Variants in TIPRL observed in about 807,000 individuals in gnomAD.
TIPRL encodes the protein TOR signaling pathway regulator.
A neutral mutation model predicts 32.3 loss-of-function variants in TIPRL; 10 were observed. The observed-to-expected ratio is 0.31, with a 90% CI of 0.19 to 0.52. The LOEUF (loss-of-function observed/expected upper bound fraction) is 0.52. Among genes scored for constraint, TIPRL ranks in the 20% least tolerant of loss-of-function variants. The pLI, the probability that TIPRL is intolerant of heterozygous loss-of-function variation, is 0.96. For synonymous variants in TIPRL, 100 were observed against 114.0 expected (o/e 0.88, Z 0.78); for missense variants, 250 against 328.1 (o/e 0.76, Z 1.84).
At chr1:168,196,438 C>A in intron 4 of TIPRL, 109 bp from the exon 5 acceptor site, 1 of 650,054 alleles carries the variant, frequency 1.5e-6, no homozygotes, top group Non-Finnish European at 2.3e-6. Flanking sequence ...TGAATTCAGC[C>A]TTATTCCAGG....
intron 4 of TIPRL, among the ~76,000 whole-genome samples, chr1:168,191,757 A>C (rs1700099211): frequency 6.6e-6 from 1 of 151,164 alleles, no homozygotes; most frequent in Non-Finnish European, 1.5e-5. Context: ...CTGTAGTCCC[A>C]GCTACTCGGG....
chr1:168,201,628 A>ACC lies in TIPRL; in HGVS notation c.*1583_*1584insCC, dbSNP rs1370356959. 2.6e-5 allele frequency: 4 copies of ACC among 151,836 alleles called. No individual in the cohort carries two copies. The highest frequency in any genetic ancestry group is 2.9e-5 in the Non-Finnish European group (2 of 67,926). The allele number at this position is 151,836 out of a possible 1,614,324, so 9.4% of individuals were successfully genotyped here. A position where few individuals can be genotyped will look rare whatever the true frequency, so the allele number is the denominator to read the frequency against. On this transcript the variant is annotated 3_prime_UTR_variant, in exon 7 of 7. Coordinates refer to ENST00000367833, the MANE Select transcript of TIPRL (RefSeq NM_152902.5). ...GACAGAAAAGTAGACACACACACACACACACACACACATGTTGTGTTCAGC... is the reference window on the plus strand; with the variant it reads ...GACAGAAAAGTAGACACACACACACACCCACACACACACATGTTGTGTTCAGC...
chr1:168,188,615 T>C (rs2102308864), intron 3 of TIPRL, among the ~76,000 whole-genome samples: 2 of 152,304 alleles, frequency 1.3e-5, no homozygotes, highest in East Asian at 3.9e-4. Flanking sequence ...ACAGGGCAGA[T>C]GTGAGCTGCA....
In TIPRL at chr1:168,192,315, C is replaced by T. The variant is rs564524093; in HGVS notation, c.516+815C>T. On this transcript the variant is annotated intron_variant, in intron 4 of 6. Coordinates refer to ENST00000367833, the MANE Select transcript of TIPRL (RefSeq NM_152902.5). ...GAGCTGAGATCGCACCACTGCACTC[C>T]AGCCCTCCAGCCTGGGCGACAGAGC... The T allele has an allele frequency of 6.0e-6, 6 of 995,618 alleles. No homozygotes were observed. In the African/African-American group the frequency reaches 1.0e-4, roughly 17 times the overall value. 61.7% of individuals were successfully genotyped at this position (995,618 alleles called of 1,614,324 possible). A position where few individuals can be genotyped will look rare whatever the true frequency, so the allele number is the denominator to read the frequency against.
chr1:168,199,013 A>T (rs1700184211), intron 6 of TIPRL, 32 bp downstream of exon 6: 2 of 1,545,106 alleles, frequency 1.3e-6, no homozygotes, highest in Non-Finnish European at 1.8e-6. Flanking sequence ...TTTAGAAGTT[A>T]ATTTTAATGT....
rs781548779 is a variant in TIPRL, at chr1:168,184,880, TA to T, written c.384+5del. On this transcript the variant is annotated splice_donor_region_variant and intron_variant, in intron 3 of 6. Coordinates refer to ENST00000367833, the MANE Select transcript of TIPRL (RefSeq NM_152902.5). ...CTTGGAGAATCTCTTAAGTTAAAGG[TA>T]AATCTTACTTTTTTCTTTCATGAGT... is the stretch of plus-strand genomic sequence containing the variant. 1 of 1,580,198 alleles carries T rather than the reference TA, an allele frequency of 6.3e-7. No individual in the cohort carries two copies. The highest frequency in any genetic ancestry group is 2.2e-5 in the East Asian group (1 of 44,596).
intron 4 of TIPRL, among the ~76,000 whole-genome samples, chr1:168,191,858 CAAAAAAA>C (rs60988834): frequency 2.6e-5 from 1 of 38,902 alleles, no homozygotes; most frequent in African/African-American, 8.1e-5. Flanking sequence ...GGCGACAGAG[CAAAAAAA>C]AAAAAAAAAA....
At position 168,200,179 on chromosome 1, in the gene TIPRL, T is replaced by A. The variant is rs1700195159; in HGVS notation, c.*133T>A. The A allele has an allele frequency of 1.0e-6, 1 of 955,532 alleles. No homozygotes were observed. The highest frequency in any genetic ancestry group is 2.8e-5 in the East Asian group (1 of 36,086). The allele number at this position is 955,532 out of a possible 1,614,324, so 59.2% of individuals were successfully genotyped here. On this transcript the variant is annotated 3_prime_UTR_variant, in exon 7 of 7. Transcript: ENST00000367833. Reference sequence around the variant, plus strand: ...TCTGTAGCCTTAAAGGAAAAAAAAATAAAGATCGTTACAGGCAGGTTTCAC... The same window carrying A: ...TCTGTAGCCTTAAAGGAAAAAAAAAAAAAGATCGTTACAGGCAGGTTTCAC...
At chr1:168,192,725 A>C (rs912539540) in intron 4 of TIPRL, among the ~76,000 whole-genome samples, 2 of 152,132 alleles carry the variant, frequency 1.3e-5, no homozygotes, top group Non-Finnish European at 2.9e-5. Flanking sequence ...TCTCTACTAA[A>C]AATACAAAAA....
chr1:168,188,303 C>T (rs1026929789), intron 3 of TIPRL, among the ~76,000 whole-genome samples: 13 of 152,076 alleles, frequency 8.5e-5, no homozygotes, highest in Admixed American at 6.5e-5. Flanking sequence ...CTGACAGGCG[C>T]TCGAGAATAT....
chr1:168,179,956 G>T (rs528000868), intron 1 of TIPRL, among the ~76,000 whole-genome samples: 1 of 152,238 alleles, frequency 6.6e-6, no homozygotes, highest in African/African-American at 2.4e-5. Flanking sequence ...GGTACCATAG[G>T]GGGTGTTGTG....
chr1:168,190,096 C>T (rs1226134366), intron 3 of TIPRL, among the ~76,000 whole-genome samples: 1 of 152,126 alleles, frequency 6.6e-6, no homozygotes, highest in East Asian at 1.9e-4. Context: ...GTTGTGTAAC[C>T]TTAGGCAGTC....
intron 3 of TIPRL, among the ~76,000 whole-genome samples, chr1:168,191,030 T>G (rs745530685): frequency 6.6e-6 from 1 of 152,238 alleles, no homozygotes; most frequent in Admixed American, 6.5e-5. Context: ...TGACCTTCTA[T>G]GATAGCAGTC....
chr1:168,193,840 T>C (rs1003481406), intron 4 of TIPRL, among the ~76,000 whole-genome samples: 1 of 152,208 alleles, frequency 6.6e-6, no homozygotes, highest in Non-Finnish European at 1.5e-5. Context: ...ATTTTAACTA[T>C]AAAATTAAAG....
At chr1:168,191,262 T>C in intron 3 of TIPRL, 107 bp from the exon 4 acceptor site, 1 of 992,042 alleles carries the variant, frequency 1.0e-6, no homozygotes, top group Non-Finnish European at 1.4e-6. Context: ...GCTCTGGCTA[T>C]GTAGAAAAGA....
intron 3 of TIPRL, among the ~76,000 whole-genome samples, chr1:168,185,105 A>G (rs993416203): frequency 6.6e-6 from 1 of 152,226 alleles, no homozygotes; most frequent in African/African-American, 2.4e-5. Context: ...AGTTGGTGGC[A>G]ACGGCAGACG....
At chr1:168,195,541 AT>A (rs932577130) in intron 4 of TIPRL, among the ~76,000 whole-genome samples, 1 of 152,180 alleles carries the variant, frequency 6.6e-6, no homozygotes, top group African/African-American at 2.4e-5. Context: ...GACAATAGGT[AT>A]TTATTCAGCA....
intron 6 of TIPRL, among the ~76,000 whole-genome samples, chr1:168,199,570 T>G (rs1310904867): frequency 1.3e-5 from 2 of 152,298 alleles, no homozygotes; most frequent in African/African-American, 4.8e-5. Flanking sequence ...ACTTAGATTC[T>G]ATTGTAGACT....
At chr1:168,180,820 C>CTTTTTTTTTTTTT (rs71118909) in intron 1 of TIPRL, among the ~76,000 whole-genome samples, 5 of 124,176 alleles carry the variant, frequency 4.0e-5, no homozygotes, top group Non-Finnish European at 5.0e-5. Flanking sequence ...TTTTTTATAA[C>CTTTTTTTTTTTTT]TTTTTTTTTT....
Sources: allele counts gnomAD v4.1 joint callset (sites outside exome capture counted in the v4.1 genomes callset), GRCh38; gene constraint gnomAD v4.1.1; transcripts MANE v1.5; gene names NCBI Gene and HGNC (gene_info 2026-07-23, HGNC 2026-07-21).